The following ANO2 variants were observed in gnomAD, a reference collection of about 807,000 sequenced individuals.
The protein encoded by ANO2 is anoctamin 2.
In ANO2, 101 loss-of-function variants were observed where a neutral mutation model predicts 124.2. The ratio of observed to expected loss-of-function variants is 0.81; its 90% CI spans 0.69 to 0.96. ANO2 has a LOEUF of 0.96. Ranked by LOEUF, ANO2 falls within the 40% of genes least tolerant of loss-of-function variation. The pLI, the probability that ANO2 is intolerant of heterozygous loss-of-function variation, is 0.00. For missense variants in ANO2, 1,293 were observed against 1,274.5 expected, an observed-to-expected ratio of 1.01 and a Z score of -0.22; for synonymous variants, 486 against 482.5, an observed-to-expected ratio of 1.01 and a Z score of -0.09.
At chr12:5,574,924 G>A (rs1942315190) in intron 23 of ANO2, among the ~76,000 whole-genome samples, 1 of 152,186 alleles carries the variant, frequency 6.6e-6, no homozygotes, top group African/African-American at 2.4e-5. Flanking sequence ...TTATGCTGGT[G>A]TAGGAGTTTC....
chr12:5,832,343 A>C, intron 5 of ANO2, 109 bp downstream of exon 5: 1 of 1,302,154 alleles, frequency 7.7e-7, no homozygotes, highest in Non-Finnish European at 1.1e-6. Context: ...TCTCTCTCCC[A>C]GGCACTGGGG....
At chr12:5,740,066 C>A (rs1471791324) in intron 12 of ANO2, 6 of 438,096 alleles carry the variant, frequency 1.4e-5, no homozygotes, top group Non-Finnish European at 2.3e-5. Context: ...CACCCACGGC[C>A]CTTTGAAGGA....
chr12:5,869,982 C>T (rs141756665), intron 3 of ANO2, among the ~76,000 whole-genome samples: 2 of 152,276 alleles, frequency 1.3e-5, no homozygotes, highest in African/African-American at 2.4e-5. Flanking sequence ...AAGGCAGGAG[C>T]CCTCCCCACA....
intron 14 of ANO2, among the ~76,000 whole-genome samples, chr12:5,656,892 T>G (rs1307942296): frequency 6.6e-6 from 1 of 152,208 alleles, no homozygotes; most frequent in Non-Finnish European, 1.5e-5. Flanking sequence ...CAGTTTCTCA[T>G]CCCTGTCTTC....
chr12:5,809,387 C>A (rs1462472550), intron 7 of ANO2, among the ~76,000 whole-genome samples: 1 of 152,018 alleles, frequency 6.6e-6, no homozygotes, highest in East Asian at 1.9e-4. Flanking sequence ...GCGGGTAAGG[C>A]CCCAGCTAGA....
chr12:5,719,538 C>A (rs961990721), intron 14 of ANO2, among the ~76,000 whole-genome samples: 6 of 152,104 alleles, frequency 3.9e-5, no homozygotes, highest in Admixed American at 1.3e-4. Context: ...AAGAAGGAAG[C>A]ACTCTAGTGT....
chr12:5,924,634 T>C (rs1222782337), intron 1 of ANO2, among the ~76,000 whole-genome samples: 1 of 152,226 alleles, frequency 6.6e-6, no homozygotes, highest in Non-Finnish European at 1.5e-5. Flanking sequence ...TTTCCTTTTG[T>C]TCCTAAGCAG....
At chr12:5,926,548 A>G (rs1277601960) in intron 1 of ANO2, among the ~76,000 whole-genome samples, 5 of 150,262 alleles carry the variant, frequency 3.3e-5, no homozygotes, top group Non-Finnish European at 5.9e-5. Context: ...CCAGCATCCT[A>G]CATGCATTCT....
chr12:5,790,566 CTA>C (rs1296219427), intron 10 of ANO2, among the ~76,000 whole-genome samples: 2 of 152,182 alleles, frequency 1.3e-5, no homozygotes, highest in African/African-American at 4.8e-5. Flanking sequence ...TAAAACTCAT[CTA>C]TGTCGTAAGT....
Position 5,570,882 on chromosome 12 carries a change from C to T in ANO2, c.2621+4952G>A, listed in dbSNP as rs117387253. On this transcript the variant is annotated intron_variant, in intron 23 of 24. Transcript: ENST00000682330. ...GGAATTGACCCTTAACAAAGGAAAACAGTACAGGCAATTAGGAACTAATGA... is the reference window on the plus strand; with the variant it reads ...GGAATTGACCCTTAACAAAGGAAAATAGTACAGGCAATTAGGAACTAATGA... Among the ~76,000 whole-genome samples the T allele has an allele frequency of 3.9e-5, 6 of 152,220 alleles. No homozygotes were observed. In the East Asian group the frequency reaches 1.2e-3, roughly 29 times the overall value.
At position 5,861,419 on chromosome 12, in the gene ANO2, T is replaced by A. The variant is rs1955264825; in HGVS notation, c.535-7278A>T. Among the ~76,000 whole-genome samples, 3 of 152,288 alleles carry A rather than the reference T, an allele frequency of 2.0e-5. No homozygotes were observed. In the South Asian group the frequency reaches 6.2e-4, roughly 32 times the overall value. Reference sequence around the variant, plus strand: ...CAGGGACTGGAGGTCGCGCTCCTGGTGAAGTTATCCTCATTGTTTTTGTCT... The same window carrying A: ...CAGGGACTGGAGGTCGCGCTCCTGGAGAAGTTATCCTCATTGTTTTTGTCT... On this transcript the variant is annotated intron_variant, in intron 3 of 24. Transcript: ENST00000682330.
intron 14 of ANO2, among the ~76,000 whole-genome samples, chr12:5,671,589 T>A (rs1354662228): frequency 6.6e-6 from 1 of 152,034 alleles, no homozygotes; most frequent in East Asian, 1.9e-4. Flanking sequence ...GAGAACTACA[T>A]TTTTCTAAAG....
chr12:5,616,866 A>T (rs916977818), intron 16 of ANO2, among the ~76,000 whole-genome samples: 1 of 151,994 alleles, frequency 6.6e-6, no homozygotes, highest in Admixed American at 6.6e-5. Flanking sequence ...ACACAGTACC[A>T]CATCCTCCAG....
intron 11 of ANO2, among the ~76,000 whole-genome samples, chr12:5,747,743 T>A (rs1212503466): frequency 6.6e-6 from 1 of 152,190 alleles, no homozygotes; most frequent in African/African-American, 2.4e-5. Context: ...TTATAATGAA[T>A]ACTAATATTT....
rs752807389 is a variant in ANO2 at position 5,565,618 on chromosome 12, C to T, written c.2667G>A (p.Glu889=). The T allele has an allele frequency of 9.3e-6, 15 of 1,605,864 alleles. No homozygotes were observed. The South Asian group carries it at 1.6e-4, about 17-fold the overall frequency. ...GAATAAACCAGTACTGTTTCGAAAA[C>T]TCATAAGGGTTCGGGGCCCATGGCG... ...REPPWAPNPY[E]FSKQYWFILS... is the part of the protein sequence containing the mutation. The change falls in exon 24 of 25, where the codon GAG becomes GAA. Residue 889 remains glutamate, a synonymous_variant. Coordinates refer to ENST00000682330, the MANE Select transcript of ANO2 (RefSeq NM_001364791.2).
intron 1 of ANO2, among the ~76,000 whole-genome samples, chr12:5,939,213 C>CAACAAAAAA: frequency 1.2e-5 from 1 of 86,194 alleles, no homozygotes; most frequent in South Asian, 5.2e-4. Context: ...AAGACTCCAA[C>CAACAAAAAA]AAAAAAAAAA....
chr12:5,736,366 G>A (rs947665253), intron 13 of ANO2, among the ~76,000 whole-genome samples: 1 of 152,188 alleles, frequency 6.6e-6, no homozygotes, highest in Non-Finnish European at 1.5e-5. Flanking sequence ...AAGCTTTGGT[G>A]TATGTCAGTT....
intron 3 of ANO2, among the ~76,000 whole-genome samples, chr12:5,887,610 GT>G (rs1171130305): frequency 6.6e-6 from 1 of 152,188 alleles, no homozygotes; most frequent in African/African-American, 2.4e-5. Flanking sequence ...TCCAACTAAT[GT>G]TTTCAGACAT....
chr12:5,945,521 C>T (rs1033809614), upstream of ANO2, among the ~76,000 whole-genome samples: 1 of 152,254 alleles, frequency 6.6e-6, no homozygotes, highest in Non-Finnish European at 1.5e-5. Flanking sequence ...ACAGTAAACG[C>T]TCCCTGCTCC....
Sources: gnomAD v4.1 joint callset for allele counts (sites outside exome capture counted in the v4.1 genomes callset) on GRCh38, gnomAD v4.1.1 for gene constraint, MANE v1.5 for transcripts, NCBI Gene and HGNC (gene_info 2026-07-23, HGNC 2026-07-21) for gene names.